DGKI: variants seen among roughly 807,000 people sequenced by gnomAD.
DGKI encodes the protein DAG kinase iota.
In DGKI, 55 loss-of-function variants were observed where a neutral mutation model predicts 147.5. That is an observed-to-expected ratio of 0.37 (90% CI 0.30 to 0.47). The LOEUF (loss-of-function observed/expected upper bound fraction) is 0.47, where lower values mean the gene tolerates loss of function less well. DGKI is among the 20% of genes least tolerant of loss of function. The probability of loss-of-function intolerance (pLI) is 1.00; values close to 1 mark genes in which losing one functional copy is unlikely to be tolerated. For synonymous variants in DGKI, 469 were observed against 477.1 expected, an observed-to-expected ratio of 0.98 and a Z score of 0.22; for missense variants, 1,007 against 1,323.8, an observed-to-expected ratio of 0.76 and a Z score of 3.71.
intron 1 of DGKI, among the ~76,000 whole-genome samples, chr7:137,807,779 C>T (rs1797427339): frequency 6.6e-6 from 1 of 152,198 alleles, no homozygotes. Flanking sequence ...GCTGCTGCTG[C>T]TACTGTCCAT....
intron 21 of DGKI, among the ~76,000 whole-genome samples, chr7:137,496,651 C>T (rs905179419): frequency 6.6e-6 from 1 of 151,972 alleles, no homozygotes; most frequent in Admixed American, 6.6e-5. Context: ...TGCCACACAC[C>T]TACAACCATA....
chr7:137,455,608 G>A (rs1814162108), intron 27 of DGKI, among the ~76,000 whole-genome samples: 1 of 114,618 alleles, frequency 8.7e-6, no homozygotes, highest in Admixed American at 1.3e-4. Flanking sequence ...TGTGATGCCT[G>A]GCACAATCAT....
intron 28 of DGKI, among the ~76,000 whole-genome samples, chr7:137,431,749 C>T (rs1029649296): frequency 6.6e-6 from 1 of 152,184 alleles, no homozygotes; most frequent in African/African-American, 2.4e-5. Flanking sequence ...GCAGAAGAGG[C>T]CTTAGAAGGC....
intron 28 of DGKI, among the ~76,000 whole-genome samples, chr7:137,440,353 T>C (rs771178999): frequency 1.3e-5 from 2 of 152,254 alleles, no homozygotes; most frequent in Non-Finnish European, 2.9e-5. Context: ...ATTTCCTTTT[T>C]CTACAGGGAC....
chr7:137,798,098 T>A (rs2116949632), intron 1 of DGKI, among the ~76,000 whole-genome samples: 1 of 152,202 alleles, frequency 6.6e-6, no homozygotes, highest in African/African-American at 2.4e-5. Flanking sequence ...CTAGATTAAA[T>A]TTAAAAATTC....
At chr7:137,653,193 CTT>C (rs1453780083) in intron 5 of DGKI, among the ~76,000 whole-genome samples, 3 of 152,246 alleles carry the variant, frequency 2.0e-5, no homozygotes, top group South Asian at 4.1e-4. Flanking sequence ...CTGGGCTCCT[CTT>C]GTGTCCAAAA....
intron 17 of DGKI, among the ~76,000 whole-genome samples, chr7:137,576,078 G>A (rs1361082234): frequency 3.0e-5 from 4 of 134,174 alleles, no homozygotes; most frequent in Non-Finnish European, 4.6e-5. Flanking sequence ...TTGCTCTGTC[G>A]CCCAGGCTGG....
chr7:137,388,041 T>C lies in DGKI; in HGVS notation c.*3179A>G, dbSNP rs149146543. On this transcript the variant is annotated 3_prime_UTR_variant, in exon 33 of 33. Coordinates refer to ENST00000614521, the MANE Select transcript of DGKI (RefSeq NM_001321708.2). ...GGTATGTACGGCTCTCCATCAGTCA[T>C]TACTAATTTCCATCACTGTGCATTT... 1 of 152,186 alleles carries C rather than the reference T, an allele frequency of 6.6e-6. No individual in the cohort carries two copies. Among genetic ancestry groups the C allele is most frequent in the African/African-American group, 2.4e-5 (1 of 41,466 alleles). The allele number at this position is 152,186 out of a possible 1,614,324, so 9.4% of individuals were successfully genotyped here. A position where few individuals can be genotyped will look rare whatever the true frequency, so the allele number is the denominator to read the frequency against.
At position 137,734,884 on chromosome 7, in the gene DGKI, G is replaced by A. The variant is rs138435258; in HGVS notation, c.402-44882C>T. Reference sequence around the variant, plus strand: ...CTTTAAAGTGCCTGGCACAGAGTGCGTGATCAATAAATATTTGTCAACTAC... The same window carrying A: ...CTTTAAAGTGCCTGGCACAGAGTGCATGATCAATAAATATTTGTCAACTAC... On this transcript the variant is annotated intron_variant, in intron 1 of 32. Coordinates refer to ENST00000614521, the MANE Select transcript of DGKI (RefSeq NM_001321708.2). Among the ~76,000 whole-genome samples, 792 of 152,162 alleles carry A rather than the reference G, an allele frequency of 5.2e-3. 7 individuals are homozygous for A. The highest frequency in any genetic ancestry group is 0.018 in the African/African-American group (757 of 41,540).
intron 1 of DGKI, among the ~76,000 whole-genome samples, chr7:137,844,106 C>A (rs1293163257): frequency 6.6e-6 from 1 of 152,142 alleles, no homozygotes; most frequent in Admixed American, 6.5e-5. Context: ...TCTTTTTTTA[C>A]ACACCCTTCA....
chr7:137,818,940 T>A (rs1313071623), intron 1 of DGKI, among the ~76,000 whole-genome samples: 1 of 152,174 alleles, frequency 6.6e-6, no homozygotes, highest in Non-Finnish European at 1.5e-5. Flanking sequence ...TCCCCTCAAA[T>A]GACCTAAGCA....
At chr7:137,659,973 T>C (rs751775143) in intron 3 of DGKI, among the ~76,000 whole-genome samples, 21 of 152,220 alleles carry the variant, frequency 1.4e-4, no homozygotes, top group Non-Finnish European at 2.9e-4. Flanking sequence ...ATTCCTTACA[T>C]TGGGACACAG....
chr7:137,666,497 G>A lies in DGKI; in HGVS notation c.607-9957C>T, dbSNP rs370180015. ...TGGAATTCATTTGGGTGACTATCGC[G>A]TACTGCCACCATCTTTTGGAAATCT... On this transcript the variant is annotated intron_variant, in intron 3 of 32. Transcript: ENST00000614521. Among the ~76,000 whole-genome samples the A allele has an allele frequency of 3.5e-4, 53 of 152,316 alleles. 1 individual carries two copies. The highest frequency in any genetic ancestry group is 1.1e-3 in the African/African-American group (47 of 41,574).
Position 137,385,316 on chromosome 7 carries a change from A to C in DGKI, c.*5904T>G, listed in dbSNP as rs919691193. On this transcript the variant is annotated 3_prime_UTR_variant, in exon 33 of 33. Transcript: ENST00000614521. ...TTTTTAAAATTCTCAGTTATAAAGC[A>C]AAGTTTAACAAATCAAAAATCAAGA... is the stretch of plus-strand genomic sequence containing the variant. 7 of 152,094 alleles carry C rather than the reference A, an allele frequency of 4.6e-5. No homozygotes were observed. The highest frequency in any genetic ancestry group is 1.7e-4 in the African/African-American group (7 of 41,458). The allele number at this position is 152,094 out of a possible 1,614,324, so 9.4% of individuals were successfully genotyped here. A position where few individuals can be genotyped will look rare whatever the true frequency, so the allele number is the denominator to read the frequency against.
At chr7:137,547,048 T>C (rs1260841126) in intron 20 of DGKI, among the ~76,000 whole-genome samples, 2 of 152,262 alleles carry the variant, frequency 1.3e-5, no homozygotes, top group Non-Finnish European at 2.9e-5. Context: ...TTATTAATAG[T>C]TCACTGAAGA....
chr7:137,613,228 TC>T (rs533714217), intron 8 of DGKI, among the ~76,000 whole-genome samples: 1 of 151,524 alleles, frequency 6.6e-6, no homozygotes, highest in Non-Finnish European at 1.5e-5. Flanking sequence ...AAATAAAGTC[TC>T]CCCCCCATCA....
Position 137,391,199 on chromosome 7 carries a change from C to T in DGKI, c.*21G>A. The T allele has an allele frequency of 1.3e-6, 2 of 1,587,500 alleles. No homozygotes were observed. Among genetic ancestry groups the T allele is most frequent in the Non-Finnish European group, 1.7e-6 (2 of 1,156,036 alleles). ...CAGATGTGATACGCTTGCTCATGTCCTCTTTGCCCGAATACCAGGGTCAAA... is the reference window on the plus strand; with the variant it reads ...CAGATGTGATACGCTTGCTCATGTCTTCTTTGCCCGAATACCAGGGTCAAA... On this transcript the variant is annotated 3_prime_UTR_variant, in exon 33 of 33. Transcript: ENST00000614521.
chr7:137,719,469 G>C (rs998634669), intron 1 of DGKI, among the ~76,000 whole-genome samples: 3 of 151,868 alleles, frequency 2.0e-5, no homozygotes, highest in Non-Finnish European at 2.9e-5. Context: ...TTCCAGCAGA[G>C]TTTTGCTCCT....
At chr7:137,560,478 A>G (rs1818382737) in intron 19 of DGKI, among the ~76,000 whole-genome samples, 1 of 152,208 alleles carries the variant, frequency 6.6e-6, no homozygotes. Flanking sequence ...GCATAAATGC[A>G]AAGAAAACCA....
Sources: allele counts gnomAD v4.1 joint callset (sites outside exome capture counted in the v4.1 genomes callset), GRCh38; gene constraint gnomAD v4.1.1; transcripts MANE v1.5; gene names NCBI Gene and HGNC (gene_info 2026-07-23, HGNC 2026-07-21).